Variants in WDFY4 observed in about 807,000 individuals in gnomAD.
WDFY4 encodes WDFY family member 4.
WDFY4 carries 169 observed loss-of-function variants against 351.9 expected under a neutral mutation model. That is an observed-to-expected ratio of 0.48 (90% CI 0.42 to 0.55). The LOEUF (loss-of-function observed/expected upper bound fraction) is 0.55, where lower values mean the gene tolerates loss of function less well. WDFY4 is among the 20% of genes least tolerant of loss of function. WDFY4 has a pLI of 0.00. For missense variants in WDFY4, 3,803 were observed against 3,935.6 expected, an observed-to-expected ratio of 0.97 and a Z score of 0.90; for synonymous variants, 1,622 against 1,574.6, an observed-to-expected ratio of 1.03 and a Z score of -0.71.
intron 13 of WDFY4, among the ~76,000 whole-genome samples, chr10:48,761,871 C>T (rs2065517231): frequency 6.6e-6 from 1 of 152,198 alleles, no homozygotes; most frequent in Non-Finnish European, 1.5e-5. Context: ...ATTCCTCTTG[C>T]AGTTTTGTCG....
chr10:48,778,817 G>A lies in WDFY4; in HGVS notation c.3382G>A (p.Glu1128Lys), dbSNP rs1253682037. The change falls in exon 18 of 62, where the codon GAG (glutamate) becomes AAG (lysine). Residue 1128 changes from glutamate (E) to lysine (K), a missense_variant. By Grantham distance (56) the Glu-to-Lys change is moderately conservative. Around this residue, in one of 3 missense-constraint regions of WDFY4, gnomAD observed 3,054 missense variants for 3,148.6 expected, o/e 0.97. Transcript: ENST00000325239. ...CTTGGTTGTTTCTACAGAAGAGAAG[G>A]AGTTTCAGCCTCTGGGTAAGGTGCT... ...LSLVVSTEEK[E>K]FQPLDVMEPE... 1.9e-6 allele frequency: 3 copies of A among 1,550,858 alleles called. No homozygotes were observed. The highest frequency in any genetic ancestry group is 3.9e-5 in the Admixed American group (2 of 51,016).
rs748015435 is a variant in WDFY4, at chr10:48,821,912, C to T, written c.5825-468C>T. Among the ~76,000 whole-genome samples the T allele has an allele frequency of 7.9e-5, 12 of 152,172 alleles. No homozygotes were observed. The South Asian group carries it at 2.1e-3, about 26-fold the overall frequency. On this transcript the variant is annotated intron_variant, in intron 34 of 61. Coordinates refer to ENST00000325239, the MANE Select transcript of WDFY4 (RefSeq NM_001394531.1). The stretch of plus-strand genomic sequence containing the variant: ...AGGTGCCTGGACCTGTGAGTAAGGA[C>T]GACAGTCGTGGTGAACTCACAGGGT...
chr10:48,837,484 G>T (rs894839649), intron 39 of WDFY4, among the ~76,000 whole-genome samples: 1 of 152,206 alleles, frequency 6.6e-6, no homozygotes, highest in Non-Finnish European at 1.5e-5. Flanking sequence ...GGGTGACAGG[G>T]GGCTGTAGTG....
In WDFY4 at chr10:48,822,420, C is replaced by T; in HGVS notation, c.5865C>T (p.Ala1955=). 6.4e-7 allele frequency: 1 copy of T among 1,550,872 alleles called. No homozygotes were observed. The highest frequency in any genetic ancestry group is 1.2e-5 in the South Asian group (1 of 83,658). The change falls in exon 35 of 62, where the codon GCC becomes GCT. Residue 1955 remains alanine (A), a synonymous_variant. Coordinates refer to ENST00000325239, the MANE Select transcript of WDFY4 (RefSeq NM_001394531.1). ...AGCCAAGTGCAGAAGCTGCTGCTGC[C>T]CCTTCTCTTGCCAACATCTCCTGCT... ...EPQPSAEAAA[A]PSLANISCFT...
chr10:48,722,543 C>T (rs34159437), intron 4 of WDFY4, among the ~76,000 whole-genome samples: 32,507 of 152,156 alleles, frequency 0.21, 3,652 homozygotes, highest in South Asian at 0.37. Context: ...ACTGTACATT[C>T]GTCCTTCTCT....
chr10:48,746,773 A>G (rs1204817092), intron 12 of WDFY4, among the ~76,000 whole-genome samples: 1 of 152,196 alleles, frequency 6.6e-6, no homozygotes, highest in African/African-American at 2.4e-5. Flanking sequence ...TTAGTTAAAC[A>G]GTATCTTTAT....
At chr10:48,883,709 G>A (rs1377534523) in intron 43 of WDFY4, among the ~76,000 whole-genome samples, 2 of 152,130 alleles carry the variant, frequency 1.3e-5, no homozygotes, top group Non-Finnish European at 2.9e-5. Flanking sequence ...TGCTTTTCAG[G>A]CATCTGGGTG....
At chr10:48,806,192 G>C (rs2067249689) in intron 27 of WDFY4, 97 bp downstream of exon 27, 2 of 1,260,288 alleles carry the variant, frequency 1.6e-6, no homozygotes, top group South Asian at 2.6e-5. Flanking sequence ...AGTAAGGAAG[G>C]GGAAGGCACC....
chr10:48,939,423 G>T (rs1271286505), intron 47 of WDFY4, among the ~76,000 whole-genome samples: 1 of 152,182 alleles, frequency 6.6e-6, no homozygotes, highest in Non-Finnish European at 1.5e-5. Flanking sequence ...TTGCTGTCTT[G>T]CTCGGGGCCC....
intron 23 of WDFY4, 32 bp from the exon 24 acceptor site, chr10:48,796,266 A>C (rs1385146602): frequency 4.5e-6 from 7 of 1,541,026 alleles, no homozygotes; most frequent in Non-Finnish European, 5.3e-6. Context: ...TGATGCATTC[A>C]TGAGGAAACT....
chr10:48,883,635 C>T (rs978731646), intron 43 of WDFY4, among the ~76,000 whole-genome samples: 6 of 152,186 alleles, frequency 3.9e-5, no homozygotes, highest in African/African-American at 1.2e-4. Context: ...CCTACCGTCT[C>T]AGAAATGCTT....
At chr10:48,746,558 A>G (rs1036985180) in intron 12 of WDFY4, among the ~76,000 whole-genome samples, 1 of 151,932 alleles carries the variant, frequency 6.6e-6, no homozygotes, top group African/African-American at 2.4e-5. Flanking sequence ...TCATTTGTTT[A>G]CGCTTTCATA....
intron 12 of WDFY4, chr10:48,745,869 C>T (rs932255217): frequency 3.2e-6 from 1 of 311,336 alleles, no homozygotes; most frequent in Non-Finnish European, 6.1e-6. Flanking sequence ...CTGGGCCTTG[C>T]GGACCGCGGG....
chr10:48,938,345 G>T (rs1387592056), intron 47 of WDFY4, among the ~76,000 whole-genome samples: 1 of 152,250 alleles, frequency 6.6e-6, no homozygotes, highest in African/African-American at 2.4e-5. Context: ...TGAAGAAGAG[G>T]ATAGGCAGAG....
chr10:48,831,780 G>C (rs1191709540), intron 38 of WDFY4, among the ~76,000 whole-genome samples: 1 of 152,190 alleles, frequency 6.6e-6, no homozygotes, highest in Non-Finnish European at 1.5e-5. Context: ...CTTCTAAGAT[G>C]GTACCTTGTT....
At chr10:48,724,766 G>A (rs1158266616) in intron 5 of WDFY4, among the ~76,000 whole-genome samples, 4 of 152,274 alleles carry the variant, frequency 2.6e-5, no homozygotes, top group African/African-American at 9.6e-5. Flanking sequence ...GGTGACAGAA[G>A]GATGAAGAAG....
chr10:48,824,224 T>A (rs932049884), intron 35 of WDFY4: 1 of 980,384 alleles, frequency 1.0e-6, no homozygotes, highest in East Asian at 1.1e-4. Flanking sequence ...GTTTGACCCT[T>A]GCTGAACCAC....
intron 28 of WDFY4, 96 bp downstream of exon 28, chr10:48,808,054 T>C (rs2067318370): frequency 1.6e-5 from 16 of 1,021,462 alleles, no homozygotes; most frequent in Non-Finnish European, 1.9e-5. Context: ...CATCTCTGAG[T>C]CTGTTTTCTG....
intron 27 of WDFY4, among the ~76,000 whole-genome samples, chr10:48,807,634 T>C (rs771354343): frequency 3.9e-5 from 6 of 152,250 alleles, no homozygotes; most frequent in Non-Finnish European, 8.8e-5. Context: ...TTTTGGAAGA[T>C]GTGCAGCATT....
Sources: gnomAD v4.1 joint callset for allele counts (sites outside exome capture counted in the v4.1 genomes callset) on GRCh38, gnomAD v4.1.1 for gene constraint, gnomAD v4.1.1 regional missense constraint, MANE v1.5 for transcripts, NCBI Gene and HGNC (gene_info 2026-07-23, HGNC 2026-07-21) for gene names.